Variants in UMPS observed in about 807,000 individuals in gnomAD.
The protein encoded by UMPS is uridine 5'-monophosphate synthase.
UMPS carries 21 observed loss-of-function variants against 38.9 expected under a neutral mutation model. The ratio of observed to expected loss-of-function variants is 0.54; its 90% CI spans 0.38 to 0.78. The LOEUF (loss-of-function observed/expected upper bound fraction) is 0.78, where lower values mean the gene tolerates loss of function less well. UMPS is among the 30% of genes least tolerant of loss of function. The probability of loss-of-function intolerance (pLI) is 0.00; values close to 1 mark genes in which losing one functional copy is unlikely to be tolerated. For synonymous variants in UMPS, 208 were observed against 219.3 expected (o/e 0.95, Z 0.45); for missense variants, 533 against 591.6 (o/e 0.90, Z 1.03).
chr3:124,743,190 C>T (rs1373633767), intron 5 of UMPS, among the ~76,000 whole-genome samples: 8 of 151,318 alleles, frequency 5.3e-5, no homozygotes, highest in African/African-American at 1.7e-4. Flanking sequence ...AAAAATTAGC[C>T]GGGCGTGGTG....
chr3:124,735,071 T>C (rs776422989), intron 1 of UMPS, 22 bp from the exon 2 acceptor site: 1 of 1,606,408 alleles, frequency 6.2e-7, no homozygotes, highest in African/African-American at 1.3e-5. Flanking sequence ...AAAACATTGT[T>C]TATGTGTTCA....
chr3:124,741,265 C>G (rs1248882997), intron 4 of UMPS, among the ~76,000 whole-genome samples: 1 of 151,980 alleles, frequency 6.6e-6, no homozygotes, highest in African/African-American at 2.4e-5. Flanking sequence ...TACTTGGTGG[C>G]AAGAATGAAT....
intron 5 of UMPS, among the ~76,000 whole-genome samples, chr3:124,742,913 G>C (rs2063566333): frequency 6.6e-6 from 1 of 152,094 alleles, no homozygotes; most frequent in South Asian, 2.1e-4. Context: ...TGCAACATAT[G>C]AGTTTTACTT....
rs1479119620 is a variant in UMPS at position 124,745,699 on chromosome 3, G to C, written c.*1615G>C. The C allele has an allele frequency of 6.6e-6, 3 of 453,938 alleles. No homozygotes were observed. The highest frequency in any genetic ancestry group is 1.3e-5 in the Non-Finnish European group (3 of 226,792). 28.1% of individuals were successfully genotyped at this position (453,938 alleles called of 1,614,324 possible). On this transcript the variant is annotated 3_prime_UTR_variant, in exon 6 of 6. Transcript: ENST00000232607. ...GAGCAGGAAGGGAGTTGGCCCTCAGGGCTACTCTGGGGAAGCCAAAAGTCA... is the reference window on the plus strand; with the variant it reads ...GAGCAGGAAGGGAGTTGGCCCTCAGCGCTACTCTGGGGAAGCCAAAAGTCA...
rs886057896 is a variant in UMPS, at chr3:124,748,580, G to A, written c.*4496G>A. The A allele has an allele frequency of 2.9e-5, 13 of 454,142 alleles. No individual in the cohort carries two copies. In the East Asian group the frequency reaches 7.6e-4, roughly 27 times the overall value. The allele number at this position is 454,142 out of a possible 1,614,324, so 28.1% of individuals were successfully genotyped here. Reference sequence around the variant, plus strand: ...GACAAGAGGCAGAGGGCTCCTCAGAGTCAGATCCTGGTGTGGGCTCTCACG... The same window carrying A: ...GACAAGAGGCAGAGGGCTCCTCAGAATCAGATCCTGGTGTGGGCTCTCACG... On this transcript the variant is annotated 3_prime_UTR_variant, in exon 6 of 6. Coordinates refer to ENST00000232607, the MANE Select transcript of UMPS (RefSeq NM_000373.4).
Position 124,740,144 on chromosome 3 carries a change from T to C in UMPS, c.1103T>C (p.Ile368Thr), listed in dbSNP as rs1195203636. 1.2e-6 allele frequency: 2 copies of C among 1,613,914 alleles called. No individual in the cohort carries two copies. Among genetic ancestry groups the C allele is most frequent in the Non-Finnish European group, 8.5e-7 (1 of 1,180,018 alleles). ...CCTTTGCATCGGGGGTGCCTCCTTATTGCGGAAATGAGCTCCACCGGCTCC... is the reference window on the plus strand; with the variant it reads ...CCTTTGCATCGGGGGTGCCTCCTTACTGCGGAAATGAGCTCCACCGGCTCC... The part of the protein sequence containing the change: ...GLPLHRGCLL[I>T]AEMSSTGSLA... Residue 368 changes from isoleucine to threonine, a missense_variant, in exon 4 of 6, where the codon ATT becomes ACT. Physicochemically the swap from Ile to Thr is moderately conservative, Grantham distance 89. Transcript: ENST00000232607.
Position 124,730,488 on chromosome 3 carries a change from C to T in UMPS, c.17C>T (p.Ala6Val), listed in dbSNP as rs1376601503. The T allele has an allele frequency of 6.2e-7, 1 of 1,614,164 alleles. No individual in the cohort carries two copies. The highest frequency in any genetic ancestry group is 2.2e-5 in the East Asian group (1 of 44,884). Reference protein sequence around the residue: MAVARAALGPLVTGLY... With the variant: MAVARVALGPLVTGLY... ...CGCGCGACAATGGCGGTCGCTCGTG[C>T]AGCTTTGGGGCCATTGGTGACGGGT... is the stretch of plus-strand genomic sequence containing the variant. The change falls in exon 1 of 6, where the codon GCA (alanine) becomes GTA (valine). Residue 6 changes from alanine to valine, a missense_variant. By Grantham distance (64) the Ala-to-Val change is moderately conservative (BLOSUM62 0). Coordinates refer to ENST00000232607, the MANE Select transcript of UMPS (RefSeq NM_000373.4).
chr3:124,741,634 T>C (rs765253148), intron 4 of UMPS, among the ~76,000 whole-genome samples: 5 of 152,172 alleles, frequency 3.3e-5, no homozygotes, highest in Non-Finnish European at 2.9e-5. Context: ...CATTATAATA[T>C]GTTCTAGAGT....
Position 124,746,796 on chromosome 3 carries a change from T to C in UMPS, c.*2712T>C, listed in dbSNP as rs748597570. On this transcript the variant is annotated 3_prime_UTR_variant, in exon 6 of 6. Coordinates refer to ENST00000232607, the MANE Select transcript of UMPS (RefSeq NM_000373.4). ...GTGTGTGTGTGTGTGTGTGTGTGTGTGCATGCGCGCGCGTGCGCACTGGAG... is the reference window on the plus strand; with the variant it reads ...GTGTGTGTGTGTGTGTGTGTGTGTGCGCATGCGCGCGCGTGCGCACTGGAG... 77 of 439,786 alleles carry C rather than the reference T, an allele frequency of 1.8e-4. No individual in the cohort carries two copies. The highest frequency in any genetic ancestry group is 7.2e-4 in the Middle Eastern group (1 of 1,392). The allele number at this position is 439,786 out of a possible 1,614,324, so 27.2% of individuals were successfully genotyped here.
rs927558442 is a variant in UMPS at position 124,744,461 on chromosome 3, A to T, written c.*377A>T. 4 of 454,010 alleles carry T rather than the reference A, an allele frequency of 8.8e-6. No individual in the cohort carries two copies. The highest frequency in any genetic ancestry group is 8.0e-5 in the African/African-American group (4 of 49,930). The allele number at this position is 454,010 out of a possible 1,614,324, so 28.1% of individuals were successfully genotyped here. A position where few individuals can be genotyped will look rare whatever the true frequency, so the allele number is the denominator to read the frequency against. ...ACAGGATCTCACTCTGTTGCCCAGGATGGAGTGCAGTGGTGAGATCACGGC... is the reference window on the plus strand; with the variant it reads ...ACAGGATCTCACTCTGTTGCCCAGGTTGGAGTGCAGTGGTGAGATCACGGC... On this transcript the variant is annotated 3_prime_UTR_variant, in exon 6 of 6. Transcript: ENST00000232607.
At position 124,748,760 on chromosome 3, in the gene UMPS, C is replaced by G. The variant is rs1348737805; in HGVS notation, c.*4676C>G. On this transcript the variant is annotated 3_prime_UTR_variant, in exon 6 of 6. Coordinates refer to ENST00000232607, the MANE Select transcript of UMPS (RefSeq NM_000373.4). Reference sequence around the variant, plus strand: ...CAGGAAGATCCAGAGATCCCTCGCCCCAGCTCGGCCATGTGTGTCTGGGAC... The same window carrying G: ...CAGGAAGATCCAGAGATCCCTCGCCGCAGCTCGGCCATGTGTGTCTGGGAC... The G allele has an allele frequency of 7.2e-6, 3 of 416,612 alleles. No individual in the cohort carries two copies. In the Admixed American group the frequency reaches 7.8e-5, roughly 11 times the overall value. The allele number at this position is 416,612 out of a possible 1,614,324, so 25.8% of individuals were successfully genotyped here.
In UMPS at chr3:124,745,595, C is replaced by T; in HGVS notation, c.*1511C>T. ...CTGCTCTAAAGTCCAATTTGGGCTTCATGTCCCCAGTGCTGCATCTCCAGG... is the reference window on the plus strand; with the variant it reads ...CTGCTCTAAAGTCCAATTTGGGCTTTATGTCCCCAGTGCTGCATCTCCAGG... On this transcript the variant is annotated 3_prime_UTR_variant, in exon 6 of 6. Transcript: ENST00000232607. 1 of 454,108 alleles carries T rather than the reference C, an allele frequency of 2.2e-6. No homozygotes were observed. Among genetic ancestry groups the T allele is most frequent in the South Asian group, 1.6e-5 (1 of 64,478 alleles). 28.1% of individuals were successfully genotyped at this position (454,108 alleles called of 1,614,324 possible). A position where few individuals can be genotyped will look rare whatever the true frequency, so the allele number is the denominator to read the frequency against.
intron 4 of UMPS, 68 bp from the exon 5 acceptor site, chr3:124,742,084 C>T (rs1352137059): frequency 7.3e-6 from 8 of 1,100,972 alleles, no homozygotes; most frequent in South Asian, 2.8e-5. Context: ...AAAAATAGAG[C>T]ATATTTTTAC....
At chr3:124,735,025 A>G in intron 1 of UMPS, 68 bp from the exon 2 acceptor site, 1 of 1,429,308 alleles carries the variant, frequency 7.0e-7, no homozygotes, top group Non-Finnish European at 9.4e-7. Flanking sequence ...CATCTCAAAA[A>G]ATAAAAAATA....
At chr3:124,743,863 G>T (rs3772807) in intron 5 of UMPS, 52 bp from the exon 6 acceptor site, 2 of 1,607,860 alleles carry the variant, frequency 1.2e-6, no homozygotes, top group Non-Finnish European at 8.5e-7. Context: ...TCATGTGACA[G>T]GTTTTCTGAT....
chr3:124,730,722 C>A, intron 1 of UMPS, 95 bp downstream of exon 1: 2 of 1,446,738 alleles, frequency 1.4e-6, no homozygotes, highest in Non-Finnish European at 1.9e-6. Flanking sequence ...TGAGTGAGAG[C>A]AAAAGAGCCA....
rs181385601 is a variant in UMPS at position 124,734,219 on chromosome 3, A to G, written c.157-874A>G. Among the ~76,000 whole-genome samples the G allele has an allele frequency of 5.9e-5, 9 of 152,232 alleles. No individual in the cohort carries two copies. The East Asian group carries it at 1.4e-3, about 23-fold the overall frequency. ...TCTTTAGAAGTACTGGTGTAAACCT[A>G]TGATCTAGTTCACAAAGCAACTCAG... On this transcript the variant is annotated intron_variant, in intron 1 of 5. Coordinates refer to ENST00000232607, the MANE Select transcript of UMPS (RefSeq NM_000373.4).
Position 124,735,133 on chromosome 3 carries a change from T to A in UMPS, c.197T>A (p.Ile66Asn), listed in dbSNP as rs1177208416. 6.2e-7 allele frequency: 1 copy of A among 1,614,054 alleles called. No homozygotes were observed. Among genetic ancestry groups the A allele is most frequent in the Non-Finnish European group, 8.5e-7 (1 of 1,179,938 alleles). ...ILFQTAQNAG[I>N]SFDTVCGVPY... ...TTCCAAACTGCCCAAAATGCAGGCA[T>A]CAGTTTTGACACCGTGTGTGGAGTG... The change falls in exon 2 of 6, where the codon ATC becomes AAC. Residue 66 changes from isoleucine (I) to asparagine (N), a missense_variant. Coordinates refer to ENST00000232607, the MANE Select transcript of UMPS (RefSeq NM_000373.4).
chr3:124,737,907 C>A lies in UMPS; in HGVS notation c.650C>A (p.Ser217Tyr), dbSNP rs1364798910. Residue 217 changes from serine (S) to tyrosine (Y), a missense_variant, in exon 3 of 6, where the codon TCT becomes TAT. Coordinates refer to ENST00000232607, the MANE Select transcript of UMPS (RefSeq NM_000373.4). ...VAANHNGSPL[S>Y]IKEAPKELSF... The stretch of plus-strand genomic sequence containing the variant: ...GCGAATCATAATGGTTCTCCCCTTT[C>A]TATAAAGGAAGCACCCAAAGAACTC... 1.2e-6 allele frequency: 2 copies of A among 1,614,214 alleles called. No homozygotes were observed. The highest frequency in any genetic ancestry group is 3.3e-5 in the Admixed American group (2 of 60,030).
Sources: allele counts gnomAD v4.1 joint callset (sites outside exome capture counted in the v4.1 genomes callset), GRCh38; gene constraint gnomAD v4.1.1; transcripts MANE v1.5; gene names NCBI Gene and HGNC (gene_info 2026-07-23, HGNC 2026-07-21).